TMEM64: variants seen among roughly 807,000 people sequenced by gnomAD.
The protein encoded by TMEM64 is transmembrane protein 64.
In TMEM64, 19 loss-of-function variants were observed where a neutral mutation model predicts 24.5. That is an observed-to-expected ratio of 0.78 (90% confidence interval 0.54 to 1.14). The LOEUF is 1.14. Ranked by LOEUF, TMEM64 falls within the 50% of genes most tolerant of loss-of-function variation. The pLI is 0.00. For synonymous variants in TMEM64, 262 were observed against 224.7 expected (o/e 1.17, Z -1.49); for missense variants, 487 against 493.0 (o/e 0.99, Z 0.12).
intron 1 of TMEM64, among the ~76,000 whole-genome samples, chr8:90,635,551 C>CTTG (rs1809506364): frequency 6.6e-6 from 1 of 151,906 alleles, no homozygotes. Context: ...AGGAAAACTA[C>CTTG]ATGGGGTGAT....
At chr8:90,630,339 A>G (rs966637662) in intron 2 of TMEM64, among the ~76,000 whole-genome samples, 1 of 151,774 alleles carries the variant, frequency 6.6e-6, no homozygotes, top group Non-Finnish European at 1.5e-5. Flanking sequence ...GTTATTTTTA[A>G]TTTTTTTCCC....
At chr8:90,630,431 TG>T (rs1221800890) in intron 2 of TMEM64, among the ~76,000 whole-genome samples, 1 of 152,226 alleles carries the variant, frequency 6.6e-6, no homozygotes, top group Admixed American at 6.5e-5. Flanking sequence ...CTACTGGTTT[TG>T]AGCATAATCT....
In TMEM64 at chr8:90,645,258, G is replaced by A. The variant is rs1306400193; in HGVS notation, c.648C>T (p.Leu216=). 1 of 1,612,274 alleles carries A rather than the reference G, an allele frequency of 6.2e-7. No homozygotes were observed. The highest frequency in any genetic ancestry group is 8.5e-7 in the Non-Finnish European group (1 of 1,179,120). ...TCCTGGCGGCCACCCAGGCGGTGAG[G>A]AGCCGCTTGCAGACCACATGGGCGA... The part of the protein sequence containing the change: ...TFIAHVVCKR[L]LTAWVAARIQ... Residue 216 remains leucine, a synonymous_variant, in exon 1 of 3, where the codon CTC becomes CTT. Coordinates refer to ENST00000458549, the MANE Select transcript of TMEM64 (RefSeq NM_001008495.4). This position sits in a 1 kb window ranked among gnomAD's most constrained non-coding sequence, Gnocchi z 4.2.
chr8:90,637,364 C>T (rs7826178), intron 1 of TMEM64, among the ~76,000 whole-genome samples: 1 of 151,926 alleles, frequency 6.6e-6, no homozygotes, highest in South Asian at 2.1e-4. Context: ...TTAACCCACC[C>T]AGAAACTTTG....
rs1394055264 is a variant in TMEM64 at position 90,622,977 on chromosome 8, T to C, written c.*2694A>G. The C allele has an allele frequency of 6.6e-6, 1 of 152,112 alleles. No individual in the cohort carries two copies. The allele number at this position is 152,112 out of a possible 1,614,324, so 9.4% of individuals were successfully genotyped here. On this transcript the variant is annotated 3_prime_UTR_variant, in exon 3 of 3. Transcript: ENST00000458549. Reference sequence around the variant, plus strand: ...ATGATCAAATAAAAATGGACATGAATATGCTTAGTAAATTAGCATATACAT... The same window carrying C: ...ATGATCAAATAAAAATGGACATGAACATGCTTAGTAAATTAGCATATACAT...
chr8:90,629,594 T>C (rs1276030124), intron 2 of TMEM64, among the ~76,000 whole-genome samples: 1 of 152,144 alleles, frequency 6.6e-6, no homozygotes, highest in African/African-American at 2.4e-5. Flanking sequence ...GGGACAATCA[T>C]AAATGTTAAT....
rs1251170504 is a variant in TMEM64, at chr8:90,645,822, C to G, written c.84G>C (p.Pro28=). 6 of 1,060,598 alleles carry G rather than the reference C, an allele frequency of 5.7e-6. No homozygotes were observed. Among genetic ancestry groups the G allele is most frequent in the Non-Finnish European group, 3.4e-6 (3 of 879,818 alleles). 65.7% of individuals were successfully genotyped at this position (1,060,598 alleles called of 1,614,324 possible). The change falls in exon 1 of 3, where the codon CCG becomes CCC. Residue 28 remains proline (P), a synonymous_variant. Coordinates refer to ENST00000458549, the MANE Select transcript of TMEM64 (RefSeq NM_001008495.4). This position sits in a 1 kb window ranked among gnomAD's most constrained non-coding sequence, Gnocchi z 4.2. The part of the protein sequence containing the change: ...HAALPGLAEL[P]ARWALPRGAG... Reference sequence around the variant, plus strand: ...CACCCCGCGGCAGGGCCCAGCGGGCCGGCAGCTCGGCGAGGCCCGGGAGGG... The same window carrying G: ...CACCCCGCGGCAGGGCCCAGCGGGCGGGCAGCTCGGCGAGGCCCGGGAGGG...
At chr8:90,638,357 C>T (rs1234431987) in intron 1 of TMEM64, among the ~76,000 whole-genome samples, 1 of 152,196 alleles carries the variant, frequency 6.6e-6, no homozygotes, top group African/African-American at 2.4e-5. Context: ...GCACATCCTT[C>T]TTCCCACTCC....
rs372874716 is a variant in TMEM64 at position 90,622,034 on chromosome 8, G to A, written c.*3637C>T. ...ACCTTTTATTTTCTCAGGCACACAA[G>A]TGATTTGGATACCAATTATCAAGAC... is the stretch of plus-strand genomic sequence containing the variant. On this transcript the variant is annotated 3_prime_UTR_variant, in exon 3 of 3. Coordinates refer to ENST00000458549, the MANE Select transcript of TMEM64 (RefSeq NM_001008495.4). 3 of 152,248 alleles carry A rather than the reference G, an allele frequency of 2.0e-5. No individual in the cohort carries two copies. The highest frequency in any genetic ancestry group is 4.1e-4 in the South Asian group (2 of 4,822). The allele number at this position is 152,248 out of a possible 1,614,324, so 9.4% of individuals were successfully genotyped here.
At chr8:90,638,635 T>C (rs1809558024) in intron 1 of TMEM64, among the ~76,000 whole-genome samples, 1 of 152,226 alleles carries the variant, frequency 6.6e-6, no homozygotes, top group Non-Finnish European at 1.5e-5. Context: ...AAATGCCTAC[T>C]ATATATTAGT....
chr8:90,632,064 T>C (rs1329634434), intron 1 of TMEM64, among the ~76,000 whole-genome samples: 1 of 152,222 alleles, frequency 6.6e-6, no homozygotes, highest in Non-Finnish European at 1.5e-5. Context: ...TAATTAGCAG[T>C]GTGGTCGCTG....
chr8:90,635,552 A>T (rs1809506396), intron 1 of TMEM64, among the ~76,000 whole-genome samples: 1 of 152,050 alleles, frequency 6.6e-6, no homozygotes. Context: ...GGAAAACTAC[A>T]TGGGGTGATA....
chr8:90,631,474 T>C, intron 2 of TMEM64, 78 bp downstream of exon 2: 4 of 1,228,750 alleles, frequency 3.3e-6, no homozygotes, highest in Non-Finnish European at 4.4e-6. Flanking sequence ...TTATTTTCAA[T>C]GAAATCTGTC....
At chr8:90,636,502 C>A (rs906340935) in intron 1 of TMEM64, among the ~76,000 whole-genome samples, 1 of 152,214 alleles carries the variant, frequency 6.6e-6, no homozygotes, top group Non-Finnish European at 1.5e-5. Context: ...GATCTGCCTG[C>A]GTCGGCCTCC....
rs1032712909 is a variant in TMEM64 at position 90,622,484 on chromosome 8, G to A, written c.*3187C>T. 1 of 152,154 alleles carries A rather than the reference G, an allele frequency of 6.6e-6. No homozygotes were observed. The highest frequency in any genetic ancestry group is 1.5e-5 in the Non-Finnish European group (1 of 68,044). 9.4% of individuals were successfully genotyped at this position (152,154 alleles called of 1,614,324 possible). ...TAAAACTCTCCTTTTCTCTGCAAATGCTGCTTGGCTGTGAACAGCATGGAT... is the reference window on the plus strand; with the variant it reads ...TAAAACTCTCCTTTTCTCTGCAAATACTGCTTGGCTGTGAACAGCATGGAT... On this transcript the variant is annotated 3_prime_UTR_variant, in exon 3 of 3. Coordinates refer to ENST00000458549, the MANE Select transcript of TMEM64 (RefSeq NM_001008495.4).
intron 1 of TMEM64, among the ~76,000 whole-genome samples, chr8:90,635,408 T>TTTTATTTTATTTTA (rs1809504224): frequency 7.5e-6 from 1 of 132,796 alleles, no homozygotes; most frequent in African/African-American, 3.8e-5. Flanking sequence ...ATTTTATTTT[T>TTTTATTTTATTTTA]TTTGAGACGG....
Position 90,622,587 on chromosome 8 carries a change from ACATATGT to A in TMEM64, c.*3077_*3083del, listed in dbSNP as rs1809297960. ...ATATCCCCAGAGCTAACAAATATTG[ACATATGT>A]CACAGCACCTTTCTCAAGAACAGTC... On this transcript the variant is annotated 3_prime_UTR_variant, in exon 3 of 3. Coordinates refer to ENST00000458549, the MANE Select transcript of TMEM64 (RefSeq NM_001008495.4). 1 of 152,282 alleles carries A rather than the reference ACATATGT, an allele frequency of 6.6e-6. No individual in the cohort carries two copies. Among genetic ancestry groups the A allele is most frequent in the Admixed American group, 6.5e-5 (1 of 15,290 alleles). The allele number at this position is 152,282 out of a possible 1,614,324, so 9.4% of individuals were successfully genotyped here.
intron 1 of TMEM64, among the ~76,000 whole-genome samples, chr8:90,638,289 A>G (rs1563450719): frequency 6.6e-6 from 1 of 152,134 alleles, no homozygotes; most frequent in Non-Finnish European, 1.5e-5. Context: ...CTAGAACACT[A>G]CTTGCTCCCC....
Position 90,625,428 on chromosome 8 carries a change from A to C in TMEM64, c.*243T>G. 2 of 361,004 alleles carry C rather than the reference A, an allele frequency of 5.5e-6. No homozygotes were observed. Among genetic ancestry groups the C allele is most frequent in the Non-Finnish European group, 1.0e-5 (2 of 200,408 alleles). 22.4% of individuals were successfully genotyped at this position (361,004 alleles called of 1,614,324 possible). On this transcript the variant is annotated 3_prime_UTR_variant, in exon 3 of 3. Transcript: ENST00000458549. ...GAAATAAAACAATTAAAAAACACTA[A>C]AGTGCAGACCTATAGGCCAATACAG... is the stretch of plus-strand genomic sequence containing the variant.
Sources: gnomAD v4.1 joint callset for allele counts (sites outside exome capture counted in the v4.1 genomes callset) on GRCh38, gnomAD v4.1.1 for gene constraint, Gnocchi (gnomAD v3.1) non-coding constraint, MANE v1.5 for transcripts, NCBI Gene and HGNC (gene_info 2026-07-23, HGNC 2026-07-21) for gene names.